Variants in LRP1B observed in about 807,000 individuals in gnomAD.
LRP1B encodes low-density lipoprotein receptor-related protein 1B.
A neutral mutation model predicts 556.6 loss-of-function variants in LRP1B; 217 were observed. The ratio of observed to expected loss-of-function variants is 0.39; its 90% CI spans 0.35 to 0.44. The LOEUF (loss-of-function observed/expected upper bound fraction) is 0.44. Among genes scored for constraint, LRP1B ranks in the 20% least tolerant of loss-of-function variants. LRP1B has a pLI of 1.00. For missense variants in LRP1B, 5,053 were observed against 5,620.8 expected, an observed-to-expected ratio of 0.90 and a Z score of 3.23; for synonymous variants, 2,047 against 1,865.8, an observed-to-expected ratio of 1.10 and a Z score of -2.50.
intron 3 of LRP1B, among the ~76,000 whole-genome samples, chr2:141,405,296 G>C (rs866015626): frequency 6.6e-6 from 1 of 151,982 alleles, no homozygotes; most frequent in African/African-American, 2.4e-5. Context: ...ATCTTATAGG[G>C]AATATCATTT....
At chr2:140,380,880 G>T (rs75210697) in intron 67 of LRP1B, among the ~76,000 whole-genome samples, 3,107 of 152,234 alleles carry the variant, frequency 0.02, 38 homozygotes, top group African/African-American at 0.028. Flanking sequence ...TAGAGACTTT[G>T]TCCTAACATT....
chr2:140,943,139 T>A (rs201695784), intron 20 of LRP1B, among the ~76,000 whole-genome samples: 1 of 152,086 alleles, frequency 6.6e-6, no homozygotes, highest in African/African-American at 2.4e-5. Flanking sequence ...GCTATTCTTG[T>A]ATCAAGTAAA....
intron 31 of LRP1B, among the ~76,000 whole-genome samples, chr2:140,832,522 C>T (rs542680402): frequency 5.9e-5 from 9 of 151,944 alleles, no homozygotes; most frequent in Non-Finnish European, 1.2e-4. Flanking sequence ...GATGGATAAA[C>T]AAAATGAGGT....
At chr2:140,448,857 G>T (rs955426146) in intron 63 of LRP1B, among the ~76,000 whole-genome samples, 1 of 151,876 alleles carries the variant, frequency 6.6e-6, no homozygotes, top group Non-Finnish European at 1.5e-5. Flanking sequence ...ACATCATGTT[G>T]CATACCTTAA....
intron 20 of LRP1B, among the ~76,000 whole-genome samples, chr2:140,934,762 C>G (rs747253927): frequency 2.6e-5 from 4 of 152,130 alleles, no homozygotes; most frequent in Non-Finnish European, 4.4e-5. Flanking sequence ...CATTGCACCT[C>G]TCTCCATCGT....
chr2:140,962,303 A>C (rs77146381), intron 18 of LRP1B, among the ~76,000 whole-genome samples: 3,567 of 152,224 alleles, frequency 0.023, 64 homozygotes, highest in South Asian at 0.035. Flanking sequence ...ACTATCCCCC[A>C]TGCAACCTTC....
chr2:140,738,555 C>T (rs1309880925), intron 35 of LRP1B, among the ~76,000 whole-genome samples: 2 of 152,156 alleles, frequency 1.3e-5, no homozygotes, highest in African/African-American at 4.8e-5. Flanking sequence ...GGTATAAATA[C>T]TGAAGCAGAT....
chr2:140,790,320 A>C (rs2104984486), intron 32 of LRP1B, among the ~76,000 whole-genome samples: 1 of 152,270 alleles, frequency 6.6e-6, no homozygotes, highest in Admixed American at 6.5e-5. Flanking sequence ...TCTGGTGCCC[A>C]GGGCATGCTT....
chr2:141,318,952 T>C (rs1239139358), intron 3 of LRP1B, among the ~76,000 whole-genome samples: 1 of 152,024 alleles, frequency 6.6e-6, no homozygotes, highest in Non-Finnish European at 1.5e-5. Flanking sequence ...GCTTTTCAAT[T>C]TTACTATAGC....
rs1217522809 is a variant in LRP1B, at chr2:142,115,763, TATATATCATATATATGTA to T, written c.82+14867_82+14884del. Among the ~76,000 whole-genome samples the T allele has an allele frequency of 2.1e-4, 10 of 47,066 alleles. 1 individual carries two copies. The highest frequency in any genetic ancestry group is 9.3e-4 in the Admixed American group (2 of 2,150). 30.9% of individuals were successfully genotyped at this position (47,066 alleles called of 152,430 possible). Reference sequence around the variant, plus strand: ...TAATATATATATTATATATATGTAATATATATCATATATATGTAATATATATCATATATATGTAATATA... The same window carrying T: ...TAATATATATATTATATATATGTAATATATATATCATATATATGTAATATA... On this transcript the variant is annotated intron_variant, in intron 1 of 90. Coordinates refer to ENST00000389484, the MANE Select transcript of LRP1B (RefSeq NM_018557.3).
chr2:142,062,702 T>A (rs9941495), intron 1 of LRP1B, among the ~76,000 whole-genome samples: 71,533 of 151,564 alleles, frequency 0.47, 17,641 homozygotes, highest in East Asian at 0.69. Flanking sequence ...ATTTATAAAA[T>A]CAGACAATCA....
At chr2:141,997,499 T>C (rs1265471329) in intron 1 of LRP1B, among the ~76,000 whole-genome samples, 3 of 148,458 alleles carry the variant, frequency 2.0e-5, no homozygotes, top group Non-Finnish European at 4.5e-5. Flanking sequence ...TTTTATTTTC[T>C]TGACACAGGG....
At chr2:141,761,805 T>C (rs868318514) in intron 2 of LRP1B, among the ~76,000 whole-genome samples, 8 of 152,126 alleles carry the variant, frequency 5.3e-5, no homozygotes, top group African/African-American at 1.7e-4. Flanking sequence ...CAATCTAATA[T>C]TGAAACTGTG....
intron 3 of LRP1B, among the ~76,000 whole-genome samples, chr2:141,408,104 A>G (rs1298731887): frequency 1.3e-5 from 2 of 151,058 alleles, no homozygotes; most frequent in East Asian, 3.9e-4. Context: ...TACCTAGGTC[A>G]TATGCTTTTA....
intron 59 of LRP1B, among the ~76,000 whole-genome samples, chr2:140,479,769 T>C (rs975794955): frequency 6.6e-6 from 1 of 152,210 alleles, no homozygotes; most frequent in African/African-American, 2.4e-5. Context: ...ATTTTAAAAA[T>C]TGGTTTAAAA....
chr2:141,669,591 T>C (rs960428708), intron 2 of LRP1B, among the ~76,000 whole-genome samples: 3 of 152,122 alleles, frequency 2.0e-5, no homozygotes, highest in African/African-American at 4.8e-5. Context: ...TCATTGCAAT[T>C]ATTTATTTGC....
chr2:140,393,821 G>T (rs1179806762), intron 66 of LRP1B, among the ~76,000 whole-genome samples: 1 of 152,070 alleles, frequency 6.6e-6, no homozygotes, highest in Non-Finnish European at 1.5e-5. Context: ...ACTTTCTTTT[G>T]TAGAAGACCT....
At chr2:141,766,374 T>C (rs1694733771) in intron 2 of LRP1B, among the ~76,000 whole-genome samples, 1 of 152,188 alleles carries the variant, frequency 6.6e-6, no homozygotes, top group African/African-American at 2.4e-5. Flanking sequence ...AGCTGCTCTG[T>C]AACAGACGCT....
intron 11 of LRP1B, among the ~76,000 whole-genome samples, chr2:141,047,939 TG>T (rs1364758095): frequency 1.3e-5 from 2 of 152,140 alleles, no homozygotes; most frequent in African/African-American, 4.8e-5. Context: ...TCTTGCTTCC[TG>T]TGAATATCCA....
Sources: gnomAD v4.1 joint callset for allele counts (sites outside exome capture counted in the v4.1 genomes callset) on GRCh38, gnomAD v4.1.1 for gene constraint, MANE v1.5 for transcripts, NCBI Gene and HGNC (gene_info 2026-07-23, HGNC 2026-07-21) for gene names.